The following ARL10 variants were observed in gnomAD, a reference collection of about 807,000 sequenced individuals.
ARL10 encodes the protein ARF like GTPase 10.
Under a neutral mutation model 26.1 loss-of-function variants are expected in ARL10, and 23 were observed. The observed-to-expected ratio is 0.88, with a 90% CI of 0.63 to 1.25. The LOEUF (loss-of-function observed/expected upper bound fraction) is 1.25. Ranked by LOEUF, ARL10 falls within the 50% of genes most tolerant of loss-of-function variation. The pLI, the probability that ARL10 is intolerant of heterozygous loss-of-function variation, is 0.00. For synonymous variants in ARL10, 138 were observed against 149.1 expected, an observed-to-expected ratio of 0.93 and a Z score of 0.54; for missense variants, 300 against 323.6, an observed-to-expected ratio of 0.93 and a Z score of 0.56.
At chr5:176,407,831 G>A in the ARL10 span, among the ~76,000 whole-genome samples, 2 of 152,192 alleles carry the variant, frequency 1.3e-5, no homozygotes, top group East Asian at 3.9e-4. Context: ...TTTCCAGCTT[G>A]CTGATAGTTG....
At chr5:176,406,556 G>A, downstream of ARL10, 1 of 1,280,934 alleles carries the variant, frequency 7.8e-7, no homozygotes, top group Non-Finnish European at 1.0e-6. Context: ...AAGGAGAGAG[G>A]ATCTGTGCAG....
downstream of ARL10, chr5:176,383,830 T>C (rs922155706): frequency 1.4e-6 from 1 of 699,306 alleles, no homozygotes; most frequent in Non-Finnish European, 2.3e-6. Context: ...GAAGAGCAAG[T>C]GAACGTAGCA....
At chr5:176,405,275 G>C (rs1317385569), downstream of ARL10, among the ~76,000 whole-genome samples, 1 of 152,040 alleles carries the variant, frequency 6.6e-6, no homozygotes, top group Non-Finnish European at 1.5e-5. Context: ...GACTGCTTGA[G>C]CCCAGGAGCT....
rs1768701529 is a variant in ARL10 at position 176,376,716 on chromosome 5, T to C, written c.*4821T>C. ...ATCTGCTTCTGGGGAAAAACTTCCC[T>C]GGTTAGCTTTACCTTAAAGTCTCCA... On this transcript the variant is annotated 3_prime_UTR_variant, in exon 4 of 4. Transcript: ENST00000310389. The C allele has an allele frequency of 6.6e-6, 1 of 152,230 alleles. No homozygotes were observed. Among genetic ancestry groups the C allele is most frequent in the Non-Finnish European group, 1.5e-5 (1 of 68,038 alleles). The allele number at this position is 152,230 out of a possible 1,614,324, so 9.4% of individuals were successfully genotyped here.
At chr5:176,392,005 G>T (rs1181010731), downstream of ARL10, among the ~76,000 whole-genome samples, 1 of 152,214 alleles carries the variant, frequency 6.6e-6, no homozygotes, top group Non-Finnish European at 1.5e-5. This position sits in a 1 kb window ranked among gnomAD's most constrained non-coding sequence, Gnocchi z 5.2. Context: ...TGTGATCACT[G>T]GTTGTTTATC....
At position 176,372,033 on chromosome 5, in the gene ARL10, C is replaced by T; in HGVS notation, c.*138C>T. The T allele has an allele frequency of 6.9e-7, 1 of 1,454,958 alleles. No homozygotes were observed. The highest frequency in any genetic ancestry group is 9.0e-7 in the Non-Finnish European group (1 of 1,105,648). The allele number at this position is 1,454,958 out of a possible 1,614,324, so 90.1% of individuals were successfully genotyped here. On this transcript the variant is annotated 3_prime_UTR_variant, in exon 4 of 4. Coordinates refer to ENST00000310389, the MANE Select transcript of ARL10 (RefSeq NM_173664.6). Reference sequence around the variant, plus strand: ...CCTCCTTTGCCTTTCAAGAGCAGGGCCTGGGCAAGGCCAAGAACCATGCAG... The same window carrying T: ...CCTCCTTTGCCTTTCAAGAGCAGGGTCTGGGCAAGGCCAAGAACCATGCAG...
At position 176,376,588 on chromosome 5, in the gene ARL10, T is replaced by C. The variant is rs1768699017; in HGVS notation, c.*4693T>C. 1 of 152,196 alleles carries C rather than the reference T, an allele frequency of 6.6e-6. No homozygotes were observed. The highest frequency in any genetic ancestry group is 1.5e-5 in the Non-Finnish European group (1 of 68,032). The allele number at this position is 152,196 out of a possible 1,614,324, so 9.4% of individuals were successfully genotyped here. On this transcript the variant is annotated 3_prime_UTR_variant, in exon 4 of 4. Transcript: ENST00000310389. The stretch of plus-strand genomic sequence containing the variant: ...TTTCCCATAAAGAAAGGGAAAGGAT[T>C]TGCGGACAGAAAATAGGAAAGAGAG...
At chr5:176,408,761 T>A in the ARL10 span, among the ~76,000 whole-genome samples, 1 of 152,320 alleles carries the variant, frequency 6.6e-6, no homozygotes, top group East Asian at 1.9e-4. Context: ...ATTCACATGA[T>A]CTTCTCACTT....
chr5:176,391,084 T>C (rs552802208), downstream of ARL10, among the ~76,000 whole-genome samples: 3 of 152,302 alleles, frequency 2.0e-5, no homozygotes, highest in East Asian at 1.9e-4. Context: ...ACACCCCTTC[T>C]TGAACCCCCC....
intron 1 of ARL10, chr5:176,396,596 G>A: frequency 8.5e-7 from 1 of 1,175,458 alleles, no homozygotes; most frequent in South Asian, 1.2e-5. Context: ...CAGACAGGCA[G>A]GCAGAAGGTT....
downstream of ARL10, chr5:176,401,949 A>T: frequency 5.9e-6 from 2 of 341,106 alleles, no homozygotes; most frequent in South Asian, 4.4e-5. Flanking sequence ...CCCCATCTCC[A>T]CAAAATGCCC....
At chr5:176,369,293 T>A in intron 3 of ARL10, 5 of 1,123,110 alleles carry the variant, frequency 4.5e-6, no homozygotes, top group Non-Finnish European at 5.9e-6. Flanking sequence ...AATGCAGTGG[T>A]GTGATCTCGG....
At chr5:176,405,009 G>A (rs1757033985), downstream of ARL10, among the ~76,000 whole-genome samples, 1 of 152,208 alleles carries the variant, frequency 6.6e-6, no homozygotes, top group Admixed American at 6.5e-5. Context: ...GTATAAAACA[G>A]GAATAATGAC....
chr5:176,368,561 C>T lies in ARL10; in HGVS notation c.386-246C>T, dbSNP rs573549581. Among the ~76,000 whole-genome samples, 3 of 152,250 alleles carry T rather than the reference C, an allele frequency of 2.0e-5. No individual in the cohort carries two copies. Among genetic ancestry groups the T allele is most frequent in the South Asian group, 4.1e-4 (2 of 4,820 alleles). The stretch of plus-strand genomic sequence containing the variant: ...AGCTAGGGACTTGCCCCAAGAGACC[C>T]GCCTATCAGAGCTAGAGCTAAATCC... On this transcript the variant is annotated intron_variant, in intron 2 of 3. Transcript: ENST00000310389. This position sits in a 1 kb window ranked among gnomAD's most constrained non-coding sequence, Gnocchi z 4.1.
At chr5:176,406,989 A>T in the ARL10 span, among the ~76,000 whole-genome samples, 1 of 151,954 alleles carries the variant, frequency 6.6e-6, no homozygotes, top group African/African-American at 2.4e-5. Flanking sequence ...CTCATCTGTG[A>T]CCCTGCCCTG....
At chr5:176,384,363 A>G (rs1755663374), downstream of ARL10, 2 of 1,613,084 alleles carry the variant, frequency 1.2e-6, no homozygotes, top group Admixed American at 1.7e-5. Context: ...TCTTCTCATC[A>G]CGGGCCATGG....
chr5:176,387,079 T>TC (rs368185001), intron 1 of ARL10: 37 of 303,266 alleles, frequency 1.2e-4, no homozygotes, highest in South Asian at 3.9e-4. Flanking sequence ...TCTCTCTCTC[T>TC]TTTTTTTTTT....
chr5:176,388,983 T>G (rs1756137041), downstream of ARL10: 1 of 1,612,114 alleles, frequency 6.2e-7, no homozygotes, highest in African/African-American at 1.3e-5. Flanking sequence ...GGTAAGTGGG[T>G]GCGGTAGGAA....
At chr5:176,395,842 A>G (rs549535091) in intron 1 of ARL10, among the ~76,000 whole-genome samples, 6 of 152,156 alleles carry the variant, frequency 3.9e-5, no homozygotes, top group African/African-American at 1.4e-4. Context: ...TGTTGAATAA[A>G]AGACCCCTTC....
Sources: gnomAD v4.1 joint callset for allele counts (sites outside exome capture counted in the v4.1 genomes callset) on GRCh38, gnomAD v4.1.1 for gene constraint, Gnocchi (gnomAD v3.1) non-coding constraint, MANE v1.5 for transcripts, NCBI Gene and HGNC (gene_info 2026-07-23, HGNC 2026-07-21) for gene names.